The following DGKD variants were observed in gnomAD, a reference collection of about 807,000 sequenced individuals.
DGKD encodes the protein diacylglycerol kinase delta.
A neutral mutation model predicts 154.4 loss-of-function variants in DGKD; 68 were observed. The ratio of observed to expected loss-of-function variants is 0.44; its 90% CI spans 0.36 to 0.54. The LOEUF is 0.54. Among genes scored for constraint, DGKD ranks in the 20% least tolerant of loss-of-function variants. The probability of loss-of-function intolerance (pLI) is 0.00; values close to 1 mark genes in which losing one functional copy is unlikely to be tolerated. For missense variants in DGKD, 1,343 were observed against 1,593.6 expected (o/e 0.84, Z 2.68); for synonymous variants, 693 against 638.0 (o/e 1.09, Z -1.30).
At chr2:233,466,985 A>C (rs1306822416) in intron 27 of DGKD, 101 bp from the exon 28 acceptor site, 1 of 885,888 alleles carries the variant, frequency 1.1e-6, no homozygotes, top group East Asian at 2.4e-5. Flanking sequence ...GCTCCCGCTC[A>C]TCTCAGCCCT....
intron 1 of DGKD, among the ~76,000 whole-genome samples, chr2:233,375,220 G>A (rs1043877442): frequency 6.6e-6 from 1 of 152,304 alleles, no homozygotes; most frequent in African/African-American, 2.4e-5. Context: ...GAACCTGGGA[G>A]GTGGAGGTTG....
chr2:233,372,362 T>G (rs1702364427), intron 1 of DGKD, among the ~76,000 whole-genome samples: 1 of 152,220 alleles, frequency 6.6e-6, no homozygotes, highest in Non-Finnish European at 1.5e-5. Context: ...CTTGATTCAG[T>G]TCTTTTTATA....
In DGKD at chr2:233,437,419, C is replaced by G; in HGVS notation, c.862C>G (p.Leu288Val). 1 of 1,614,254 alleles carries G rather than the reference C, an allele frequency of 6.2e-7. No individual in the cohort carries two copies. The highest frequency in any genetic ancestry group is 8.5e-7 in the Non-Finnish European group (1 of 1,180,050). The change falls in exon 8 of 30, where the codon CTT becomes GTT. Residue 288 changes from leucine to valine, a missense_variant. By Grantham distance (32) the Leu-to-Val change is conservative (BLOSUM62 1). Around this residue, in one of 6 missense-constraint regions of DGKD, gnomAD observed 332 missense variants for 400.1 expected, o/e 0.83. Coordinates refer to ENST00000264057, the MANE Select transcript of DGKD (RefSeq NM_152879.3). The part of the protein sequence containing the change: ...CKESLLTKCP[L>V]GLCKVSVIPP... ...AGAATCCTTGCTGACCAAGTGCCCA[C>G]TTGGCCTGTGCAAAGTGTCAGTCAT...
chr2:233,415,377 C>G (rs2061936187), intron 3 of DGKD, among the ~76,000 whole-genome samples: 1 of 152,172 alleles, frequency 6.6e-6, no homozygotes, highest in Non-Finnish European at 1.5e-5. Flanking sequence ...TGAGTCATCT[C>G]CCTCAAAGAG....
intron 12 of DGKD, among the ~76,000 whole-genome samples, chr2:233,447,334 A>G (rs2063115087): frequency 6.6e-6 from 1 of 152,078 alleles, no homozygotes; most frequent in South Asian, 2.1e-4. Flanking sequence ...CCCTCAGAGA[A>G]CAGACTTTGT....
Position 233,434,489 on chromosome 2 carries a change from A to G in DGKD, c.453+5A>G. ...CAGAACAGGGAGCACTTTGAGGTTA[A>G]AAAAGAAAATACCCTTCTCCAAATG... On this transcript the variant is annotated splice_donor_5th_base_variant and intron_variant, in intron 4 of 29. Transcript: ENST00000264057. The G allele has an allele frequency of 6.2e-7, 1 of 1,613,178 alleles. No homozygotes were observed. The highest frequency in any genetic ancestry group is 8.5e-7 in the Non-Finnish European group (1 of 1,179,276).
In DGKD at chr2:233,468,452, G is replaced by T; in HGVS notation, c.3454G>T (p.Ala1152Ser). The T allele has an allele frequency of 6.2e-7, 1 of 1,613,574 alleles. No individual in the cohort carries two copies. The highest frequency in any genetic ancestry group is 8.5e-7 in the Non-Finnish European group (1 of 1,179,944). The change falls in exon 29 of 30, where the codon GCC becomes TCC. Residue 1152 changes from alanine (A) to serine (S), a missense_variant. Transcript: ENST00000264057. ...VHLWGTEEVAAWLEHLSLCEY... is the reference protein window; with the variant it reads ...VHLWGTEEVASWLEHLSLCEY... ...CCTCTGGGGGACAGAGGAGGTTGCT[G>T]CCTGGCTGGAGCACCTCAGTCTCTG...
chr2:233,442,198 G>C (rs1369113074), intron 10 of DGKD: 2 of 687,342 alleles, frequency 2.9e-6, no homozygotes, highest in Admixed American at 4.0e-5. Context: ...AGGCCCGGGG[G>C]CTCTGGCCAT....
At chr2:233,391,732 G>C (rs1703633795) in intron 3 of DGKD, among the ~76,000 whole-genome samples, 1 of 152,208 alleles carries the variant, frequency 6.6e-6, no homozygotes, top group Admixed American at 6.5e-5. Flanking sequence ...GTTAGTGCTA[G>C]TTTCAGGTGC....
At chr2:233,431,466 A>G (rs1246587252) in intron 3 of DGKD, among the ~76,000 whole-genome samples, 1 of 152,228 alleles carries the variant, frequency 6.6e-6, no homozygotes, top group East Asian at 1.9e-4. Context: ...ACAGAAATGG[A>G]AAAAATAATT....
chr2:233,430,163 A>G (rs1480844179), intron 3 of DGKD, among the ~76,000 whole-genome samples: 1 of 152,364 alleles, frequency 6.6e-6, no homozygotes, highest in Admixed American at 6.5e-5. Flanking sequence ...CTGTGGGAAT[A>G]ATTTGGCAAT....
intron 29 of DGKD, among the ~76,000 whole-genome samples, chr2:233,469,167 G>A (rs113768680): frequency 1.8e-4 from 28 of 152,390 alleles, no homozygotes; most frequent in African/African-American, 6.0e-4. Context: ...TGATGGTAGT[G>A]ACTAGAATGC....
intron 3 of DGKD, among the ~76,000 whole-genome samples, chr2:233,412,610 G>T (rs1295492294): frequency 6.6e-6 from 1 of 152,116 alleles, no homozygotes; most frequent in African/African-American, 2.4e-5. Context: ...CATTGCAAAG[G>T]CTAAGATTCC....
chr2:233,455,287 C>A (rs1209703042), intron 19 of DGKD, among the ~76,000 whole-genome samples: 1 of 152,230 alleles, frequency 6.6e-6, no homozygotes, highest in East Asian at 1.9e-4. Context: ...CCCGAGCCTG[C>A]CCACAAGGCC....
chr2:233,436,243 A>G, intron 6 of DGKD, 73 bp from the exon 7 acceptor site: 2 of 1,599,590 alleles, frequency 1.3e-6, no homozygotes, highest in South Asian at 1.1e-5. Context: ...TGAGTTCACA[A>G]CGAGCATTTC....
chr2:233,384,359 C>T (rs1575011002), intron 1 of DGKD, among the ~76,000 whole-genome samples: 2 of 152,292 alleles, frequency 1.3e-5, no homozygotes, highest in Admixed American at 1.3e-4. Context: ...TCTGGCTTTC[C>T]TTCCTTGGTA....
chr2:233,377,303 T>C (rs558067993), intron 1 of DGKD, among the ~76,000 whole-genome samples: 120 of 152,248 alleles, frequency 7.9e-4, no homozygotes, highest in African/African-American at 2.8e-3. Context: ...AGGCTGGTCT[T>C]GAACTCCTAA....
At chr2:233,434,590 C>T (rs1012472965) in intron 4 of DGKD, 106 bp downstream of exon 4, 11 of 1,426,260 alleles carry the variant, frequency 7.7e-6, no homozygotes, top group Middle Eastern at 1.8e-4. Flanking sequence ...CTGGAGCTCA[C>T]GTTCTTAGCA....
intron 1 of DGKD, among the ~76,000 whole-genome samples, chr2:233,355,166 C>T (rs1701481559): frequency 6.6e-6 from 1 of 152,052 alleles, no homozygotes; most frequent in Admixed American, 6.5e-5. Flanking sequence ...GAAGTCCGCT[C>T]GGACCCGGGT....
Sources: allele counts gnomAD v4.1 joint callset (sites outside exome capture counted in the v4.1 genomes callset), GRCh38; gene constraint gnomAD v4.1.1; regional missense constraint gnomAD v4.1.1; transcripts MANE v1.5; gene names NCBI Gene and HGNC (gene_info 2026-07-23, HGNC 2026-07-21).